The following CTNND2 variants were observed in gnomAD, a reference collection of about 807,000 sequenced individuals.
CTNND2 encodes the protein catenin delta-2.
A neutral mutation model predicts 144.4 loss-of-function variants in CTNND2; 22 were observed. The ratio of observed to expected loss-of-function variants is 0.15; its 90% CI spans 0.11 to 0.22. The LOEUF is 0.22. CTNND2 is among the 10% of genes least tolerant of loss of function. The pLI, the probability that CTNND2 is intolerant of heterozygous loss-of-function variation, is 1.00. For synonymous variants in CTNND2, 751 were observed against 695.6 expected (o/e 1.08, Z -1.25); for missense variants, 1,353 against 1,618.8 (o/e 0.84, Z 2.82).
chr5:11,677,741 A>G (rs1784240918), intron 2 of CTNND2, among the ~76,000 whole-genome samples: 1 of 152,184 alleles, frequency 6.6e-6, no homozygotes. Context: ...GAACACTACA[A>G]GTAAGTTCTA....
At chr5:11,348,946 T>C (rs565153378) in intron 8 of CTNND2, among the ~76,000 whole-genome samples, 1 of 152,194 alleles carries the variant, frequency 6.6e-6, no homozygotes, top group Non-Finnish European at 1.5e-5. Context: ...ATTGGGTTCC[T>C]ATTTATATTT....
intron 9 of CTNND2, among the ~76,000 whole-genome samples, chr5:11,269,954 T>G (rs1382543264): frequency 6.6e-6 from 1 of 152,202 alleles, no homozygotes; most frequent in Non-Finnish European, 1.5e-5. Flanking sequence ...CTGGAAATAT[T>G]AATCACATGA....
intron 2 of CTNND2, among the ~76,000 whole-genome samples, chr5:11,663,637 CAA>C (rs552338162): frequency 2.0e-5 from 3 of 152,180 alleles, no homozygotes; most frequent in African/African-American, 7.2e-5. Context: ...TATTTAGAAA[CAA>C]GAGACTAATA....
chr5:11,407,659 C>A (rs1030073771), intron 5 of CTNND2, among the ~76,000 whole-genome samples: 1 of 152,080 alleles, frequency 6.6e-6, no homozygotes, highest in African/African-American at 2.4e-5. Context: ...TTGTTTTAGT[C>A]CCTTTTGAGT....
chr5:11,434,108 A>G lies in CTNND2; in HGVS notation c.288-22039T>C, dbSNP rs940565037. Among the ~76,000 whole-genome samples, 4 of 152,250 alleles carry G rather than the reference A, an allele frequency of 2.6e-5. No homozygotes were observed. In the South Asian group the frequency reaches 8.3e-4, roughly 31 times the overall value. On this transcript the variant is annotated intron_variant, in intron 3 of 21. Coordinates refer to ENST00000304623, the MANE Select transcript of CTNND2 (RefSeq NM_001332.4). Reference sequence around the variant, plus strand: ...ATAAGAGAATGAATCAACAATCTGTAGTATATTTATACAATAGAAAGCTAC... The same window carrying G: ...ATAAGAGAATGAATCAACAATCTGTGGTATATTTATACAATAGAAAGCTAC...
chr5:11,629,814 C>A (rs1048950579), intron 2 of CTNND2, among the ~76,000 whole-genome samples: 1 of 152,056 alleles, frequency 6.6e-6, no homozygotes, highest in Admixed American at 6.6e-5. Flanking sequence ...GAATTACAGG[C>A]ATGAACCACC....
At chr5:11,041,013 G>C (rs935004195) in intron 16 of CTNND2, among the ~76,000 whole-genome samples, 5 of 152,202 alleles carry the variant, frequency 3.3e-5, no homozygotes, top group Non-Finnish European at 7.3e-5. Context: ...GATGAGATCA[G>C]TGTTTCTCTG....
intron 12 of CTNND2, among the ~76,000 whole-genome samples, chr5:11,153,269 T>TA (rs929521544): frequency 6.6e-6 from 1 of 150,648 alleles, no homozygotes; most frequent in Non-Finnish European, 1.5e-5. Flanking sequence ...CTCAAAAGAA[T>TA]AAAAAAAAAG....
chr5:11,291,930 T>C (rs1748390884), intron 9 of CTNND2, among the ~76,000 whole-genome samples: 1 of 152,092 alleles, frequency 6.6e-6, no homozygotes, highest in Non-Finnish European at 1.5e-5. Flanking sequence ...AAACCAGCTA[T>C]ACAAAGTTTC....
intron 8 of CTNND2, among the ~76,000 whole-genome samples, chr5:11,355,650 C>T (rs923750643): frequency 3.3e-5 from 5 of 152,102 alleles, no homozygotes; most frequent in Admixed American, 6.6e-5. Flanking sequence ...TTCACCACTT[C>T]TATTCAACAT....
At chr5:11,510,297 A>G (rs911588867) in intron 3 of CTNND2, among the ~76,000 whole-genome samples, 2 of 152,154 alleles carry the variant, frequency 1.3e-5, no homozygotes, top group African/African-American at 4.8e-5. Flanking sequence ...CAACTAAAAA[A>G]TATGATCTTT....
chr5:11,344,254 C>T lies in CTNND2; in HGVS notation c.1628+2118G>A, dbSNP rs938954231. ...AAAAATACAAAAAATTAGCCGGGCGCGGTGGCGGGCGCCTGTAGTCCCAGC... is the reference window on the plus strand; with the variant it reads ...AAAAATACAAAAAATTAGCCGGGCGTGGTGGCGGGCGCCTGTAGTCCCAGC... On this transcript the variant is annotated intron_variant, in intron 9 of 21. Transcript: ENST00000304623. Among the ~76,000 whole-genome samples, 14 of 152,066 alleles carry T rather than the reference C, an allele frequency of 9.2e-5. No homozygotes were observed. In the South Asian group the frequency reaches 1.0e-3, roughly 11 times the overall value.
chr5:11,643,274 G>A (rs892857663), intron 2 of CTNND2, among the ~76,000 whole-genome samples: 7 of 151,224 alleles, frequency 4.6e-5, no homozygotes, highest in African/African-American at 1.7e-4. Context: ...TAGGGTACAT[G>A]TACATAATGT....
chr5:11,520,613 G>A (rs539666073), intron 3 of CTNND2, among the ~76,000 whole-genome samples: 6 of 152,156 alleles, frequency 3.9e-5, no homozygotes, highest in Non-Finnish European at 8.8e-5. Flanking sequence ...CATGAGACAC[G>A]CCCAGCCCTC....
At chr5:11,449,812 G>A (rs977206389) in intron 3 of CTNND2, among the ~76,000 whole-genome samples, 11 of 152,028 alleles carry the variant, frequency 7.2e-5, no homozygotes, top group South Asian at 2.1e-4. Context: ...TTTCTATCTC[G>A]TTGACTGCTG....
chr5:11,111,006 G>A lies in CTNND2; in HGVS notation c.2315C>T (p.Ser772Leu), dbSNP rs867204139. Reference protein sequence around the residue: ...ENCVCILRNLSYRLAAETSQG... With the variant: ...ENCVCILRNLLYRLAAETSQG... Reference sequence around the variant, plus strand: ...AGACGTTTCTGCCGCCAGCCGGTACGAGAGGTTCCTTAAAATGCACACACA... The same window carrying A: ...AGACGTTTCTGCCGCCAGCCGGTACAAGAGGTTCCTTAAAATGCACACACA... The change falls in exon 14 of 22, where the codon TCG (serine) becomes TTG (leucine). Residue 772 changes from serine to leucine, a missense_variant. By Grantham distance (145) the Ser-to-Leu change is moderately radical. Coordinates refer to ENST00000304623, the MANE Select transcript of CTNND2 (RefSeq NM_001332.4). 1.9e-6 allele frequency: 3 copies of A among 1,614,098 alleles called. No individual in the cohort carries two copies. The highest frequency in any genetic ancestry group is 8.5e-7 in the Non-Finnish European group (1 of 1,179,998).
At chr5:11,859,810 C>T (rs551452613) in intron 1 of CTNND2, among the ~76,000 whole-genome samples, 1 of 152,230 alleles carries the variant, frequency 6.6e-6, no homozygotes, top group Non-Finnish European at 1.5e-5. Context: ...AAATCAGAGT[C>T]CCCATAAAAC....
chr5:11,859,676 A>AGGAAAGGCCCTAGAGACCT (rs1795413790), intron 1 of CTNND2, among the ~76,000 whole-genome samples: 1 of 152,046 alleles, frequency 6.6e-6, no homozygotes, highest in African/African-American at 2.4e-5. Context: ...AGCCACCTAC[A>AGGAAAGGCCCTAGAGACCT]TGCCTGTAAC....
chr5:11,295,661 C>A (rs535765991), intron 9 of CTNND2, among the ~76,000 whole-genome samples: 1 of 152,104 alleles, frequency 6.6e-6, no homozygotes, highest in Non-Finnish European at 1.5e-5. Flanking sequence ...CAGAACAGAG[C>A]CCTCAGAAAT....
Sources: allele counts gnomAD v4.1 joint callset (sites outside exome capture counted in the v4.1 genomes callset), GRCh38; gene constraint gnomAD v4.1.1; transcripts MANE v1.5; gene names NCBI Gene and HGNC (gene_info 2026-07-23, HGNC 2026-07-21).